The following BYSL variants were observed in gnomAD, a reference collection of about 807,000 sequenced individuals.
BYSL encodes bystin.
BYSL carries 21 observed loss-of-function variants against 45.4 expected under a neutral mutation model. The ratio of observed to expected loss-of-function variants is 0.46; its 90% CI spans 0.33 to 0.67. BYSL has a LOEUF of 0.67. BYSL is among the 30% of genes least tolerant of loss of function. The pLI, the probability that BYSL is intolerant of heterozygous loss-of-function variation, is 0.02. For synonymous variants in BYSL, 215 were observed against 231.3 expected (o/e 0.93, Z 0.64); for missense variants, 522 against 578.5 (o/e 0.90, Z 1.00).
At chr6:41,917,962 G>C, upstream of BYSL, 1 of 290,022 alleles carries the variant, frequency 3.4e-6, no homozygotes, top group Non-Finnish European at 7.7e-6. Flanking sequence ...ATAATCTTTG[G>C]GAATGAGAGG....
intron 1 of BYSL, among the ~76,000 whole-genome samples, chr6:41,924,334 G>A (rs942666628): frequency 1.3e-5 from 2 of 151,906 alleles, no homozygotes; most frequent in Non-Finnish European, 2.9e-5. Flanking sequence ...GCCTCCCGAA[G>A]TGCTGGGATT....
chr6:41,913,754 C>T, the BYSL span, among the ~76,000 whole-genome samples: 1 of 152,050 alleles, frequency 6.6e-6, no homozygotes, highest in Non-Finnish European at 1.5e-5. Context: ...AAAAATGAGC[C>T]AGGCGTGGTG....
At chr6:41,915,789 A>AAC in the BYSL span, among the ~76,000 whole-genome samples, 1 of 148,592 alleles carries the variant, frequency 6.7e-6, no homozygotes, top group Non-Finnish European at 1.5e-5. Context: ...TCCGTCTCAA[A>AAC]ACACACACAC....
At chr6:41,930,517 T>C (rs1427387752) in intron 3 of BYSL, 118 bp from the exon 4 acceptor site, 7 of 1,372,232 alleles carry the variant, frequency 5.1e-6, no homozygotes, top group Non-Finnish European at 6.9e-6. Flanking sequence ...CACCTCCTTA[T>C]AGGTTATTGT....
chr6:41,932,733 A>C lies in BYSL; in HGVS notation c.*27A>C, dbSNP rs1380771346. 7 of 1,581,376 alleles carry C rather than the reference A, an allele frequency of 4.4e-6. No homozygotes were observed. The African/African-American group carries it at 9.4e-5, about 21-fold the overall frequency. ...GAAAACAGTCAGCTGTCCTGGCCAAAGGGGTTTGGAAGGACACCAAGACCC... is the reference window on the plus strand; with the variant it reads ...GAAAACAGTCAGCTGTCCTGGCCAACGGGGTTTGGAAGGACACCAAGACCC... On this transcript the variant is annotated 3_prime_UTR_variant, in exon 7 of 7. Coordinates refer to ENST00000230340, the MANE Select transcript of BYSL (RefSeq NM_004053.4). The surrounding 1 kb of genome is among the most constrained non-coding windows in gnomAD (Gnocchi z 4.7).
At position 41,932,762 on chromosome 6, in the gene BYSL, T is replaced by C. The variant is rs1775660239; in HGVS notation, c.*56T>C. ...GTTTGGAAGGACACCAAGACCCCCG[T>C]TGGTGACTGAAGATGACACTGAGCT... is the stretch of plus-strand genomic sequence containing the variant. On this transcript the variant is annotated 3_prime_UTR_variant, in exon 7 of 7. Coordinates refer to ENST00000230340, the MANE Select transcript of BYSL (RefSeq NM_004053.4). This position sits in a 1 kb window ranked among gnomAD's most constrained non-coding sequence, Gnocchi z 4.7. 7 of 1,530,840 alleles carry C rather than the reference T, an allele frequency of 4.6e-6. No individual in the cohort carries two copies. The Admixed American group carries it at 5.7e-5, about 12-fold the overall frequency. 94.8% of individuals were successfully genotyped at this position (1,530,840 alleles called of 1,614,324 possible).
chr6:41,926,245 A>G (rs1775561993), intron 1 of BYSL, among the ~76,000 whole-genome samples: 1 of 152,190 alleles, frequency 6.6e-6, no homozygotes, highest in African/African-American at 2.4e-5. Flanking sequence ...ATTGTGGCAT[A>G]TAATCAAACC....
At chr6:41,924,650 A>G (rs1775538800) in intron 1 of BYSL, among the ~76,000 whole-genome samples, 1 of 152,224 alleles carries the variant, frequency 6.6e-6, no homozygotes, top group Non-Finnish European at 1.5e-5. Context: ...CCAAGCCTAC[A>G]AAAGATTTTA....
In BYSL at chr6:41,930,650, C is replaced by T. The variant is rs552730366; in HGVS notation, c.586C>T (p.Arg196Cys). The T allele has an allele frequency of 5.8e-5, 93 of 1,612,036 alleles. No homozygotes were observed. Among genetic ancestry groups the T allele is most frequent in the Admixed American group, 1.3e-4 (8 of 59,450 alleles). Residue 196 changes from arginine to cysteine, a missense_variant, in exon 4 of 7, where the codon CGC becomes TGC. Arg to Cys is a radical substitution (Grantham distance 180). Transcript: ENST00000230340. ...TCATCCCTAGGTATTATCTAAGTAC[C>T]GCAGTGGAAAACTGCCCAAGGCATT... ...RGVREVLSKY[R>C]SGKLPKAFKI...
At chr6:41,930,378 G>C (rs1775620576) in intron 3 of BYSL, 108 bp downstream of exon 3, 1 of 1,433,838 alleles carries the variant, frequency 7.0e-7, no homozygotes, top group Non-Finnish European at 9.3e-7. Context: ...GAAGTCATGG[G>C]AGTAGAAAAC....
At chr6:41,920,712 A>T, upstream of BYSL, 1 of 322,688 alleles carries the variant, frequency 3.1e-6, no homozygotes, top group Non-Finnish European at 5.7e-6. Flanking sequence ...GGAGTGTTGC[A>T]GTGAGCCAAG....
chr6:41,908,941 G>C, the BYSL span: 14 of 374,766 alleles, frequency 3.7e-5, no homozygotes, highest in Non-Finnish European at 6.2e-5. Flanking sequence ...CCAGCACTTT[G>C]GGGGGCTGAG....
upstream of BYSL, chr6:41,920,731 A>C (rs947634104): frequency 7.9e-6 from 3 of 380,126 alleles, no homozygotes; most frequent in African/African-American, 6.3e-5. Context: ...AGATCGCTCC[A>C]CTGCACTCCA....
chr6:41,911,733 C>T, the BYSL span, among the ~76,000 whole-genome samples: 3 of 152,156 alleles, frequency 2.0e-5, no homozygotes, highest in African/African-American at 7.2e-5. Context: ...ATACAGGCTG[C>T]TGTGCGTGAA....
At chr6:41,925,427 G>C (rs551108436) in intron 1 of BYSL, among the ~76,000 whole-genome samples, 1 of 150,470 alleles carries the variant, frequency 6.6e-6, no homozygotes, top group African/African-American at 2.5e-5. Flanking sequence ...GCAGTGGCAC[G>C]ATCTTGGCTC....
At chr6:41,926,596 GC>G (rs1775567003) in intron 1 of BYSL, among the ~76,000 whole-genome samples, 1 of 151,320 alleles carries the variant, frequency 6.6e-6, no homozygotes, top group Non-Finnish European at 1.5e-5. Context: ...GACTACAGGC[GC>G]CCACCACCAC....
Position 41,921,713 on chromosome 6 carries a change from G to A in BYSL, c.151G>A (p.Gly51Arg), listed in dbSNP as rs1034801599. 47 of 1,613,384 alleles carry A rather than the reference G, an allele frequency of 2.9e-5. No individual in the cohort carries two copies. The highest frequency in any genetic ancestry group is 3.9e-5 in the Non-Finnish European group (46 of 1,179,824). ...GTGEAEEEYVGPRLSRRILQQ... is the reference protein window; with the variant it reads ...GTGEAEEEYVRPRLSRRILQQ... Reference sequence around the variant, plus strand: ...AGGAGAAGCGGAGGAAGAGTATGTGGGGCCCCGGCTGAGCCGACGGATTTT... The same window carrying A: ...AGGAGAAGCGGAGGAAGAGTATGTGAGGCCCCGGCTGAGCCGACGGATTTT... The change falls in exon 1 of 7, where the codon GGG becomes AGG. Residue 51 changes from glycine to arginine, a missense_variant. Physicochemically the swap from Gly to Arg is moderately radical, Grantham distance 125. Coordinates refer to ENST00000230340, the MANE Select transcript of BYSL (RefSeq NM_004053.4).
At chr6:41,917,862 G>A (rs1486919593), upstream of BYSL, 2 of 446,930 alleles carry the variant, frequency 4.5e-6, no homozygotes, top group East Asian at 1.5e-4. Context: ...CTAGTGTATT[G>A]GACACTGTTG....
Position 41,921,707 on chromosome 6 carries a change from TA to T in BYSL, c.146del (p.Tyr49LeufsTer6). The T allele has an allele frequency of 6.2e-7, 1 of 1,607,772 alleles. No homozygotes were observed. Among genetic ancestry groups the T allele is most frequent in the Non-Finnish European group, 8.5e-7 (1 of 1,178,096 alleles). ...GRGTGEAEEE[Y>X]VGPRLSRRIL... ...CGGGACAGGAGAAGCGGAGGAAGAGTATGTGGGGCCCCGGCTGAGCCGACGG... is the reference window on the plus strand; with the variant it reads ...CGGGACAGGAGAAGCGGAGGAAGAGTTGTGGGGCCCCGGCTGAGCCGACGG... On this transcript the variant is annotated frameshift_variant, in exon 1 of 7. Coordinates refer to ENST00000230340, the MANE Select transcript of BYSL (RefSeq NM_004053.4). LOFTEE classifies it high-confidence loss of function.
Sources: gnomAD v4.1 joint callset for allele counts (sites outside exome capture counted in the v4.1 genomes callset) on GRCh38, gnomAD v4.1.1 for gene constraint, Gnocchi (gnomAD v3.1) non-coding constraint, MANE v1.5 for transcripts, NCBI Gene and HGNC (gene_info 2026-07-23, HGNC 2026-07-21) for gene names.